Variants in PCDHGB6 observed in about 807,000 individuals in gnomAD.
PCDHGB6 encodes the protein protocadherin gamma-B6.
PCDHGB6 carries 51 observed loss-of-function variants against 59.1 expected under a neutral mutation model. The observed-to-expected ratio is 0.86, with a 90% CI of 0.69 to 1.09. PCDHGB6 has a LOEUF of 1.09. Among genes scored for constraint, PCDHGB6 ranks in the 50% least tolerant of loss-of-function variants. The probability of loss-of-function intolerance (pLI) is 0.00; values close to 1 mark genes in which losing one functional copy is unlikely to be tolerated. For synonymous variants in PCDHGB6, 466 were observed against 495.1 expected, an observed-to-expected ratio of 0.94 and a Z score of 0.78; for missense variants, 1,148 against 1,205.1, an observed-to-expected ratio of 0.95 and a Z score of 0.70.
intron 2 of PCDHGB6, among the ~76,000 whole-genome samples, chr5:141,501,288 T>TAC (rs1562199973): frequency 3.7e-5 from 3 of 81,228 alleles, no homozygotes; most frequent in South Asian, 4.2e-4. Context: ...GATATTCCCT[T>TAC]ATACACACAC....
chr5:141,419,792 G>A (rs1379811891), intron 1 of PCDHGB6: 1 of 1,614,042 alleles, frequency 6.2e-7, no homozygotes, highest in African/African-American at 1.3e-5. Flanking sequence ...CCTGCTAGTC[G>A]CTGTAAGAGA....
chr5:141,486,869 C>G lies in PCDHGB6; in HGVS notation c.2419-7938C>G. On this transcript the variant is annotated intron_variant, in intron 1 of 3. Transcript: ENST00000520790. This position sits in a 1 kb window ranked among gnomAD's most constrained non-coding sequence, Gnocchi z 5.0. ...CCTCAATGACAATGCTCCAGCTGTG[C>G]TCCGTCCTCGGGCCCGGCCTGGTTC... The G allele has an allele frequency of 6.2e-7, 1 of 1,614,246 alleles. No homozygotes were observed. The highest frequency in any genetic ancestry group is 8.5e-7 in the Non-Finnish European group (1 of 1,180,042).
chr5:141,432,416 C>T lies in PCDHGB6; in HGVS notation c.2418+21796C>T. 4 of 1,614,258 alleles carry T rather than the reference C, an allele frequency of 2.5e-6. No individual in the cohort carries two copies. Among genetic ancestry groups the T allele is most frequent in the Non-Finnish European group, 3.4e-6 (4 of 1,180,048 alleles). ...CAACGTGTCGTTGAGCCTGTTCGTG[C>T]TGGACCAGAACGACAATGCGCCCGA... On this transcript the variant is annotated intron_variant, in intron 1 of 3. Coordinates refer to ENST00000520790, the MANE Select transcript of PCDHGB6 (RefSeq NM_018926.3). The surrounding 1 kb of genome is among the most constrained non-coding windows in gnomAD (Gnocchi z 6.0).
At chr5:141,447,178 C>T (rs1258561542) in intron 1 of PCDHGB6, among the ~76,000 whole-genome samples, 2 of 152,094 alleles carry the variant, frequency 1.3e-5, no homozygotes, top group Middle Eastern at 3.4e-3. Context: ...TTGCTCTTGT[C>T]GCGCAGGCTG....
chr5:141,505,287 TG>T, intron 2 of PCDHGB6, 105 bp from the exon 3 acceptor site: 1 of 1,550,864 alleles, frequency 6.4e-7, no homozygotes, highest in Middle Eastern at 2.1e-4. Context: ...GTCTTGGGCA[TG>T]GGGTAGGGTT....
chr5:141,410,849 C>CTTTTTTTTTTTT lies in PCDHGB6; in HGVS notation c.2418+240_2418+251dup. The CTTTTTTTTTTTT allele has an allele frequency of 2.7e-3, 375 of 138,154 alleles. 24 individuals are homozygous for CTTTTTTTTTTTT. The highest frequency in any genetic ancestry group is 6.9e-3 in the African/African-American group (114 of 16,622). 8.6% of individuals were successfully genotyped at this position (138,154 alleles called of 1,614,324 possible). ...CAGACTGAAGATATTTTGTCTTTGTCTTTTTTTTTTTTTTTTTTTTTTGAG... is the reference window on the plus strand; with the variant it reads ...CAGACTGAAGATATTTTGTCTTTGTCTTTTTTTTTTTTTTTTTTTTTTTTTTTTTTTTTTGAG... On this transcript the variant is annotated intron_variant, in intron 1 of 3. Coordinates refer to ENST00000520790, the MANE Select transcript of PCDHGB6 (RefSeq NM_018926.3).
chr5:141,448,784 C>CA (rs576464275), intron 1 of PCDHGB6, among the ~76,000 whole-genome samples: 7,532 of 145,718 alleles, frequency 0.052, 302 homozygotes, highest in African/African-American at 0.11. Flanking sequence ...ACTAAAAATA[C>CA]AAAAAAAAAA....
intron 1 of PCDHGB6, among the ~76,000 whole-genome samples, chr5:141,451,387 T>C (rs1039738460): frequency 6.6e-6 from 1 of 152,116 alleles, no homozygotes; most frequent in African/African-American, 2.4e-5. Flanking sequence ...TCTCACATAG[T>C]TAATGGCAAA....
intron 1 of PCDHGB6, chr5:141,492,070 GCCGGCT>G (rs1329848558): frequency 2.1e-6 from 1 of 477,826 alleles, no homozygotes; most frequent in Non-Finnish European, 3.7e-6. Context: ...CCTCCTAGGC[GCCGGCT>G]CCGGCACGCT....
In PCDHGB6 at chr5:141,410,006, G is replaced by T. The variant is rs1201569227; in HGVS notation, c.1804G>T (p.Ala602Ser). The T allele has an allele frequency of 5.0e-6, 8 of 1,613,274 alleles. No homozygotes were observed. Among genetic ancestry groups the T allele is most frequent in the Non-Finnish European group, 5.1e-6 (6 of 1,179,816 alleles). ...VAVDADSGHN[A>S]WLSYHVLQAS... ...GGTGGACGCCGACTCGGGACACAAC[G>T]CCTGGCTGTCCTACCACGTGCTGCA... The change falls in exon 1 of 4, where the codon GCC (alanine) becomes TCC (serine). Residue 602 changes from alanine (A) to serine (S), a missense_variant. Ala to Ser is a moderately conservative substitution (Grantham distance 99). Transcript: ENST00000520790.
In PCDHGB6 at chr5:141,430,746, G is replaced by A. The variant is rs369205374; in HGVS notation, c.2418+20126G>A. ...TAAGGGCAGAATTGAAAATAATTCTGGAGGAAGATAAGAATGATTCCTGCG... is the reference window on the plus strand; with the variant it reads ...TAAGGGCAGAATTGAAAATAATTCTAGAGGAAGATAAGAATGATTCCTGCG... On this transcript the variant is annotated intron_variant, in intron 1 of 3. Coordinates refer to ENST00000520790, the MANE Select transcript of PCDHGB6 (RefSeq NM_018926.3). 3.3e-5 allele frequency: 49 copies of A among 1,500,684 alleles called. No homozygotes were observed. The African/African-American group carries it at 6.3e-4, about 19-fold the overall frequency. The allele number at this position is 1,500,684 out of a possible 1,614,324, so 93.0% of individuals were successfully genotyped here.
At chr5:141,478,497 C>T in intron 1 of PCDHGB6, 1 of 1,612,820 alleles carries the variant, frequency 6.2e-7, no homozygotes, top group Non-Finnish European at 8.5e-7. Context: ...AGCTGTGATC[C>T]GGTGTTCTAT....
rs980944782 is a variant in PCDHGB6 at position 141,487,625 on chromosome 5, T to C, written c.2419-7182T>C. On this transcript the variant is annotated intron_variant, in intron 1 of 3. Coordinates refer to ENST00000520790, the MANE Select transcript of PCDHGB6 (RefSeq NM_018926.3). This position sits in a 1 kb window ranked among gnomAD's most constrained non-coding sequence, Gnocchi z 5.0. ...TCTCTATGGGCTAGAGGTGAGACCT[T>C]TGCAGGCTCAACAAATGCTTGAGGG... 4 of 1,614,090 alleles carry C rather than the reference T, an allele frequency of 2.5e-6. No homozygotes were observed. Among genetic ancestry groups the C allele is most frequent in the Admixed American group, 3.3e-5 (2 of 60,004 alleles).
rs758579068 is a variant in PCDHGB6, at chr5:141,485,232, T to C, written c.2419-9575T>C. 6.2e-7 allele frequency: 1 copy of C among 1,614,136 alleles called. No individual in the cohort carries two copies. The highest frequency in any genetic ancestry group is 8.5e-7 in the Non-Finnish European group (1 of 1,180,016). Reference sequence around the variant, plus strand: ...TGGCGGTGGGCTACCCTTTTGTTCCTCTTTTACCACCTGGGTTACGTTTGT... The same window carrying C: ...TGGCGGTGGGCTACCCTTTTGTTCCCCTTTTACCACCTGGGTTACGTTTGT... On this transcript the variant is annotated intron_variant, in intron 1 of 3. Coordinates refer to ENST00000520790, the MANE Select transcript of PCDHGB6 (RefSeq NM_018926.3). This position sits in a 1 kb window ranked among gnomAD's most constrained non-coding sequence, Gnocchi z 5.7.
chr5:141,447,136 T>TTTTTTG (rs1304915683), intron 1 of PCDHGB6, among the ~76,000 whole-genome samples: 1 of 152,090 alleles, frequency 6.6e-6, no homozygotes, highest in Non-Finnish European at 1.5e-5. Context: ...TGTTTGTTTG[T>TTTTTTG]TTTTTGTTTT....
At position 141,410,255 on chromosome 5, in the gene PCDHGB6, C is replaced by T. The variant is rs758117248; in HGVS notation, c.2053C>T (p.Gln685Ter). ...LSDRPVLSDP[Q>*]AELQFYLVVA... ...CGACCGCCCTGTACTCTCTGACCCC[C>T]AGGCTGAACTGCAGTTTTACCTGGT... Residue 685 changes from glutamine (Q) to a stop codon, truncating the protein, a stop_gained, in exon 1 of 4, where the codon CAG (glutamine) becomes TAG (stop). Transcript: ENST00000520790. LOFTEE classifies it high-confidence loss of function. The T allele has an allele frequency of 1.6e-5, 26 of 1,614,030 alleles. No individual in the cohort carries two copies. Among genetic ancestry groups the T allele is most frequent in the Non-Finnish European group, 1.9e-5 (23 of 1,179,902 alleles).
In PCDHGB6 at chr5:141,409,861, A is replaced by C; in HGVS notation, c.1659A>C (p.Gly553=). The C allele has an allele frequency of 6.2e-7, 1 of 1,612,406 alleles. No individual in the cohort carries two copies. Among genetic ancestry groups the C allele is most frequent in the Non-Finnish European group, 8.5e-7 (1 of 1,179,412 alleles). The change falls in exon 1 of 4, where the codon GGA becomes GGC. Residue 553 remains glycine (G), a synonymous_variant. Coordinates refer to ENST00000520790, the MANE Select transcript of PCDHGB6 (RefSeq NM_018926.3). ...SANVSLRVLV[G]DRNDNAPRVL... Reference sequence around the variant, plus strand: ...ACGTGAGCCTGCGCGTGTTGGTGGGAGACCGCAATGACAACGCACCGCGGG... The same window carrying C: ...ACGTGAGCCTGCGCGTGTTGGTGGGCGACCGCAATGACAACGCACCGCGGG...
intron 1 of PCDHGB6, chr5:141,413,526 G>T: frequency 6.2e-7 from 1 of 1,613,936 alleles, no homozygotes; most frequent in Non-Finnish European, 8.5e-7. Context: ...TGGAAGACAG[G>T]GTGAAACTTT....
Position 141,409,900 on chromosome 5 carries a change from T to G in PCDHGB6, c.1698T>G (p.Ala566=), listed in dbSNP as rs756245078. 1 of 1,613,144 alleles carries G rather than the reference T, an allele frequency of 6.2e-7. No individual in the cohort carries two copies. Among genetic ancestry groups the G allele is most frequent in the Non-Finnish European group, 8.5e-7 (1 of 1,179,734 alleles). Residue 566 remains alanine (A), a synonymous_variant, in exon 1 of 4, where the codon GCT becomes GCG. Coordinates refer to ENST00000520790, the MANE Select transcript of PCDHGB6 (RefSeq NM_018926.3). The part of the protein sequence containing the change: ...NDNAPRVLYP[A]LGPDGSAFFD... ...ACGCACCGCGGGTGCTGTACCCAGC[T>G]CTGGGTCCTGACGGCTCCGCGTTCT...
Sources: allele counts gnomAD v4.1 joint callset (sites outside exome capture counted in the v4.1 genomes callset), GRCh38; gene constraint gnomAD v4.1.1; non-coding constraint Gnocchi (gnomAD v3.1); transcripts MANE v1.5; gene names NCBI Gene and HGNC (gene_info 2026-07-23, HGNC 2026-07-21).